Variants in CNNM2 observed in about 807,000 individuals in gnomAD.
The protein encoded by CNNM2 is cyclin and CBS domain divalent metal cation transport mediator 2.
In CNNM2, 12 loss-of-function variants were observed where a neutral mutation model predicts 66.9. The observed-to-expected ratio is 0.18, with a 90% CI of 0.11 to 0.29. The LOEUF (loss-of-function observed/expected upper bound fraction) is 0.29, where lower values mean the gene tolerates loss of function less well. Among genes scored for constraint, CNNM2 ranks in the 10% least tolerant of loss-of-function variants. The pLI is 1.00. For missense variants in CNNM2, 705 were observed against 1,167.7 expected, an observed-to-expected ratio of 0.60 and a Z score of 5.77; for synonymous variants, 557 against 501.8, an observed-to-expected ratio of 1.11 and a Z score of -1.47.
intron 1 of CNNM2, among the ~76,000 whole-genome samples, chr10:103,025,602 C>T (rs1037293910): frequency 6.6e-6 from 1 of 152,206 alleles, no homozygotes; most frequent in Non-Finnish European, 1.5e-5. Context: ...CAGGCATTTT[C>T]TTTGAGTTGG....
intron 1 of CNNM2, among the ~76,000 whole-genome samples, chr10:103,003,270 T>C (rs1435161888): frequency 6.6e-6 from 1 of 151,952 alleles, no homozygotes; most frequent in Non-Finnish European, 1.5e-5. Context: ...CGAGCCACCA[T>C]ACCTGGATAA....
intron 1 of CNNM2, among the ~76,000 whole-genome samples, chr10:103,015,997 C>T (rs1476961306): frequency 6.6e-6 from 1 of 152,140 alleles, no homozygotes; most frequent in Non-Finnish European, 1.5e-5. Context: ...TAAGATTTCT[C>T]CCCTTTTAAG....
In CNNM2 at chr10:102,928,035, C is replaced by T. The variant is rs78429658; in HGVS notation, c.1621+7934C>T. Among the ~76,000 whole-genome samples the T allele has an allele frequency of 4.0e-3, 614 of 152,202 alleles. 20 individuals carry two copies. In the East Asian group the frequency reaches 0.073, roughly 18 times the overall value. ...CAAAGGTTAAGAACAATGTGCTCTT[C>T]CTGGATCTGTTTTGGACAAGTAACT... On this transcript the variant is annotated intron_variant, in intron 1 of 7. Coordinates refer to ENST00000369878, the MANE Select transcript of CNNM2 (RefSeq NM_017649.5).
At chr10:102,954,422 A>T (rs1846960247) in intron 1 of CNNM2, among the ~76,000 whole-genome samples, 2 of 151,982 alleles carry the variant, frequency 1.3e-5, no homozygotes, top group Admixed American at 1.3e-4. Context: ...CCTGGCCTGT[A>T]TTTTTCAATA....
rs12766187 is a variant in CNNM2, at chr10:103,007,117, G to A, written c.1622-42590G>A. Among the ~76,000 whole-genome samples the A allele has an allele frequency of 0.2, 30,926 of 152,058 alleles. 3,291 individuals carry two copies. Among genetic ancestry groups the A allele is most frequent in the Non-Finnish European group, 0.22 (15,081 of 67,988 alleles). ...GCCTCTGGAGGTGACATCACATATC[G>A]GTAGGACCGTGATGCCCACCTGAAC... On this transcript the variant is annotated intron_variant, in intron 1 of 7. Transcript: ENST00000369878.
At chr10:103,045,776 A>T (rs2065118553) in intron 1 of CNNM2, among the ~76,000 whole-genome samples, 1 of 152,172 alleles carries the variant, frequency 6.6e-6, no homozygotes, top group African/African-American at 2.4e-5. Flanking sequence ...CTATTTTAAA[A>T]GATCTTTGAG....
Position 102,928,358 on chromosome 10 carries a change from G to A in CNNM2, c.1621+8257G>A, listed in dbSNP as rs149944362. Among the ~76,000 whole-genome samples the A allele has an allele frequency of 0.048, 7,371 of 152,066 alleles. 182 individuals are homozygous for A. The highest frequency in any genetic ancestry group is 0.057 in the Non-Finnish European group (3,844 of 67,958). On this transcript the variant is annotated intron_variant, in intron 1 of 7. Coordinates refer to ENST00000369878, the MANE Select transcript of CNNM2 (RefSeq NM_017649.5). ...TCCCTGCACTTTGGGAGGCCGAGGCGGGTGGATCACCTGAGGTAAGATCAC... is the reference window on the plus strand; with the variant it reads ...TCCCTGCACTTTGGGAGGCCGAGGCAGGTGGATCACCTGAGGTAAGATCAC...
chr10:102,989,245 A>G (rs1170802843), intron 1 of CNNM2, among the ~76,000 whole-genome samples: 1 of 152,184 alleles, frequency 6.6e-6, no homozygotes, highest in Non-Finnish European at 1.5e-5. Context: ...TTATCTTTTC[A>G]GCCATCCGAA....
chr10:102,981,196 A>T (rs950163098), intron 1 of CNNM2, among the ~76,000 whole-genome samples: 5 of 152,038 alleles, frequency 3.3e-5, no homozygotes, highest in South Asian at 2.1e-4. Context: ...AAAAAAATTT[A>T]AAAATTAGCC....
intron 1 of CNNM2, among the ~76,000 whole-genome samples, chr10:103,022,177 A>G (rs1302230653): frequency 6.6e-6 from 1 of 152,180 alleles, no homozygotes; most frequent in Non-Finnish European, 1.5e-5. Flanking sequence ...ACTTTTTCTT[A>G]GGGTTTGTAG....
At chr10:102,953,021 T>C (rs1846898651) in intron 1 of CNNM2, among the ~76,000 whole-genome samples, 1 of 152,212 alleles carries the variant, frequency 6.6e-6, no homozygotes, top group Admixed American at 6.5e-5. Context: ...TAATTTGGCA[T>C]TTGTTGAACT....
chr10:103,010,428 C>G (rs969675439), intron 1 of CNNM2, among the ~76,000 whole-genome samples: 1 of 151,530 alleles, frequency 6.6e-6, no homozygotes, highest in Non-Finnish European at 1.5e-5. Flanking sequence ...TGGGGTTTCG[C>G]CATGTTGCCC....
rs145636325 is a variant in CNNM2 at position 103,038,754 on chromosome 10, G to A, written c.1622-10953G>A. Among the ~76,000 whole-genome samples, 522 of 152,198 alleles carry A rather than the reference G, an allele frequency of 3.4e-3. 1 individual carries two copies. The highest frequency in any genetic ancestry group is 6.0e-3 in the Non-Finnish European group (408 of 68,010). ...GGGAGGTCTGGGCCGGCCACTTATG[G>A]GTCAGACTTTGGAATTTTTGGAAGT... On this transcript the variant is annotated intron_variant, in intron 1 of 7. Coordinates refer to ENST00000369878, the MANE Select transcript of CNNM2 (RefSeq NM_017649.5).
intron 1 of CNNM2, among the ~76,000 whole-genome samples, chr10:103,026,736 T>C (rs544419496): frequency 6.6e-6 from 1 of 152,190 alleles, no homozygotes; most frequent in Admixed American, 6.5e-5. Context: ...TTCAGTGTGC[T>C]GTGGGCCTCA....
chr10:102,984,900 G>T (rs12242887), intron 1 of CNNM2, among the ~76,000 whole-genome samples: 13 of 152,148 alleles, frequency 8.5e-5, no homozygotes, highest in Non-Finnish European at 1.8e-4. Context: ...ACCCACCTCA[G>T]CCTCCCAAAG....
At chr10:103,071,640 T>C in intron 5 of CNNM2, 134 bp from the exon 6 acceptor site, 1 of 785,332 alleles carries the variant, frequency 1.3e-6, no homozygotes. Flanking sequence ...TATAATACCA[T>C]ACCGACTTGC....
At chr10:102,963,868 G>A (rs1439932483) in intron 1 of CNNM2, among the ~76,000 whole-genome samples, 2 of 152,190 alleles carry the variant, frequency 1.3e-5, no homozygotes, top group Admixed American at 1.3e-4. Flanking sequence ...CACAATGTAT[G>A]TGGAAATTCA....
intron 1 of CNNM2, among the ~76,000 whole-genome samples, chr10:102,997,747 G>A (rs1174959426): frequency 6.6e-6 from 1 of 152,096 alleles, no homozygotes; most frequent in Non-Finnish European, 1.5e-5. Context: ...TCAATGTACA[G>A]GATAAAGCTA....
chr10:103,080,919 A>G lies in CNNM2; in HGVS notation c.*3739A>G, dbSNP rs2065752075. The stretch of plus-strand genomic sequence containing the variant: ...GATCAAGTCTGTGTCCTGCCTAGTA[A>G]AAACACACAACCACCTCTGTCATCT... On this transcript the variant is annotated 3_prime_UTR_variant, in exon 8 of 8. Transcript: ENST00000369878. 1 of 152,160 alleles carries G rather than the reference A, an allele frequency of 6.6e-6. No individual in the cohort carries two copies. Among genetic ancestry groups the G allele is most frequent in the African/African-American group, 2.4e-5 (1 of 41,416 alleles). The allele number at this position is 152,160 out of a possible 1,614,324, so 9.4% of individuals were successfully genotyped here.
Sources: gnomAD v4.1 joint callset for allele counts (sites outside exome capture counted in the v4.1 genomes callset) on GRCh38, gnomAD v4.1.1 for gene constraint, MANE v1.5 for transcripts, NCBI Gene and HGNC (gene_info 2026-07-23, HGNC 2026-07-21) for gene names.